ZNF738: variants seen among roughly 807,000 people sequenced by gnomAD.
ZNF738 encodes the protein protein ZNF738.
ZNF738 carries 10 observed loss-of-function variants against 9.2 expected under a neutral mutation model. That is an observed-to-expected ratio of 1.09 (90% CI 0.67 to 1.85). The LOEUF (loss-of-function observed/expected upper bound fraction) is 1.85, where lower values mean the gene tolerates loss of function less well. ZNF738 is among the 40% of genes most tolerant of loss of function. The pLI, the probability that ZNF738 is intolerant of heterozygous loss-of-function variation, is 0.00. For synonymous variants in ZNF738, 113 were observed against 94.5 expected, an observed-to-expected ratio of 1.20 and a Z score of -1.14; for missense variants, 346 against 283.6, an observed-to-expected ratio of 1.22 and a Z score of -1.58.
Position 21,375,917 on chromosome 19 carries a change from A to G in ZNF738, c.272A>G (p.Lys91Arg). The change falls in exon 4 of 5, where the codon AAA becomes AGA. Residue 91 changes from lysine (K) to arginine (R), a missense_variant. Transcript: ENST00000683779. ...CTGATCACCTGTCTGGAGCAAGGAA[A>G]AGATCCCTGGAATATGAAGAGACAC... Reference protein sequence around the residue: ...PDLITCLEQGKDPWNMKRHSM... With the variant: ...PDLITCLEQGRDPWNMKRHSM... 1.3e-6 allele frequency: 1 copy of G among 798,578 alleles called. No homozygotes were observed. Among genetic ancestry groups the G allele is most frequent in the Non-Finnish European group, 2.3e-6 (1 of 436,326 alleles). The allele number at this position is 798,578 out of a possible 1,614,324, so 49.5% of individuals were successfully genotyped here. A position where few individuals can be genotyped will look rare whatever the true frequency, so the allele number is the denominator to read the frequency against.
intron 4 of ZNF738, chr19:21,378,881 G>A (rs1424678458): frequency 6.5e-6 from 1 of 154,750 alleles, no homozygotes; most frequent in African/African-American, 2.4e-5. Flanking sequence ...TTACAAGCTT[G>A]AGCTACCGCG....
rs1171665061 is a variant in ZNF738 at position 21,383,301 on chromosome 19, G to C, written c.755G>C (p.Arg252Thr). 2.6e-6 allele frequency: 4 copies of C among 1,524,026 alleles called. No homozygotes were observed. Among genetic ancestry groups the C allele is most frequent in the Middle Eastern group, 1.7e-4 (1 of 5,752 alleles). 94.4% of individuals were successfully genotyped at this position (1,524,026 alleles called of 1,614,324 possible). A position where few individuals can be genotyped will look rare whatever the true frequency, so the allele number is the denominator to read the frequency against. Residue 252 changes from arginine (R) to threonine (T), a missense_variant, in exon 5 of 5, where the codon AGA becomes ACA. Coordinates refer to ENST00000683779, the MANE Select transcript of ZNF738 (RefSeq NM_001355237.2). Reference protein sequence around the residue: ...KWFSTLTRHKRIHTGDKSYKH... With the variant: ...KWFSTLTRHKTIHTGDKSYKH... ...TTCTCAACCCTTACTAGACACAAGA[G>C]AATTCATACTGGAGACAAATCCTAC...
rs1199882411 is a variant in ZNF738, at chr19:21,386,076, T to TA, written c.*2403dup. Among the ~76,000 whole-genome samples, 1 of 152,202 alleles carries TA rather than the reference T, an allele frequency of 6.6e-6. No homozygotes were observed. On this transcript the variant is annotated 3_prime_UTR_variant, in exon 5 of 5. Coordinates refer to ENST00000683779, the MANE Select transcript of ZNF738 (RefSeq NM_001355237.2). ...TCATACCTTATTAAACATAAAATCT[T>TA]ACAGGAGAGAAATTATACAAATGTG...
chr19:21,359,477 C>CG (rs1275494991), intron 1 of ZNF738, among the ~76,000 whole-genome samples: 1 of 152,122 alleles, frequency 6.6e-6, no homozygotes, highest in Non-Finnish European at 1.5e-5. Context: ...ACTTGGGGTG[C>CG]GGGTTCATGA....
chr19:21,378,087 T>C, intron 4 of ZNF738: 1 of 397,564 alleles, frequency 2.5e-6, no homozygotes, highest in East Asian at 3.6e-5. Context: ...TAGTTAAAAA[T>C]GAACTTTTGT....
At chr19:21,370,582 G>A (rs1352363358) in intron 2 of ZNF738, among the ~76,000 whole-genome samples, 1 of 152,070 alleles carries the variant, frequency 6.6e-6, no homozygotes, top group Non-Finnish European at 1.5e-5. Context: ...GGTATATTCA[G>A]GGATTCAATT....
intron 4 of ZNF738, among the ~76,000 whole-genome samples, chr19:21,380,383 C>T (rs866611304): frequency 2.6e-5 from 4 of 152,172 alleles, no homozygotes; most frequent in Admixed American, 2.6e-4. Flanking sequence ...GCATGTGTCA[C>T]CTACAAGGAA....
Position 21,382,991 on chromosome 19 carries a change from A to G in ZNF738, c.445A>G (p.Lys149Glu). Reference sequence around the variant, plus strand: ...AGATTTACAGTTAAGAAAAGGCTGTAAAAGTGTGAATGAGTGTAATGTGCA... The same window carrying G: ...AGATTTACAGTTAAGAAAAGGCTGTGAAAGTGTGAATGAGTGTAATGTGCA... ...HKDLQLRKGC[K>E]SVNECNVQKE... The change falls in exon 5 of 5, where the codon AAA (lysine) becomes GAA (glutamate). Residue 149 changes from lysine to glutamate, a missense_variant. Transcript: ENST00000683779. 1 of 703,518 alleles carries G rather than the reference A, an allele frequency of 1.4e-6. No homozygotes were observed. The highest frequency in any genetic ancestry group is 2.6e-5 in the East Asian group (1 of 38,044). The allele number at this position is 703,518 out of a possible 1,614,324, so 43.6% of individuals were successfully genotyped here. A position where few individuals can be genotyped will look rare whatever the true frequency, so the allele number is the denominator to read the frequency against.
At chr19:21,363,593 A>C (rs1253373931) in intron 2 of ZNF738, among the ~76,000 whole-genome samples, 1 of 152,178 alleles carries the variant, frequency 6.6e-6, no homozygotes, top group Admixed American at 6.5e-5. Flanking sequence ...TCTGTTAAAA[A>C]ATTTGAATTC....
chr19:21,373,847 A>G (rs140207570), intron 2 of ZNF738, among the ~76,000 whole-genome samples: 103 of 150,880 alleles, frequency 6.8e-4, no homozygotes, highest in African/African-American at 2.3e-3. Flanking sequence ...CTGGAGTGCG[A>G]TGCATTTAGT....
chr19:21,378,173 A>G (rs1973958215), intron 4 of ZNF738: 1 of 373,156 alleles, frequency 2.7e-6, no homozygotes, highest in Non-Finnish European at 4.7e-6. Flanking sequence ...TTTTATATGT[A>G]TATTTATTAA....
rs117042330 is a variant in ZNF738 at position 21,365,274 on chromosome 19, C to G, written c.96+3416C>G. ...CTGCAAGCTGTTTTGCCAGCCAGGT[C>G]TTTATGACCTGTATCCTGTGCTGAC... is the stretch of plus-strand genomic sequence containing the variant. On this transcript the variant is annotated intron_variant, in intron 2 of 4. Coordinates refer to ENST00000683779, the MANE Select transcript of ZNF738 (RefSeq NM_001355237.2). 1.4e-4 allele frequency among the ~76,000 whole-genome samples: 22 copies of G among 152,124 alleles called. No individual in the cohort carries two copies. In the East Asian group the frequency reaches 3.1e-3, roughly 21 times the overall value.
intron 4 of ZNF738, 23 bp from the exon 5 acceptor site, chr19:21,382,843 C>T (rs1051799321): frequency 1.8e-5 from 7 of 389,108 alleles, no homozygotes; most frequent in African/African-American, 6.2e-5. Context: ...AGTGGAGTAA[C>T]TTGATATTTT....
At position 21,387,741 on chromosome 19, in the gene ZNF738, G is replaced by T. The variant is rs575814002; in HGVS notation, c.*4067G>T. Among the ~76,000 whole-genome samples the T allele has an allele frequency of 1.8e-4, 28 of 152,162 alleles. No homozygotes were observed. The highest frequency in any genetic ancestry group is 3.5e-4 in the Non-Finnish European group (24 of 68,030). On this transcript the variant is annotated 3_prime_UTR_variant, in exon 5 of 5. Transcript: ENST00000683779. ...GAAAAATATAACCCTTTAAAGTGAA[G>T]AAGAGAATTTATATTGAAGATGGAC...
In ZNF738 at chr19:21,386,086, A is replaced by G. The variant is rs73547786; in HGVS notation, c.*2412A>G. 0.027 allele frequency among the ~76,000 whole-genome samples: 4,038 copies of G among 152,320 alleles called. 166 individuals carry two copies. Among genetic ancestry groups the G allele is most frequent in the African/African-American group, 0.091 (3,793 of 41,548 alleles). On this transcript the variant is annotated 3_prime_UTR_variant, in exon 5 of 5. Coordinates refer to ENST00000683779, the MANE Select transcript of ZNF738 (RefSeq NM_001355237.2). ...TTAAACATAAAATCTTACAGGAGAG[A>G]AATTATACAAATGTGAAGAATGTGG...
intron 1 of ZNF738, 34 bp downstream of exon 1, chr19:21,359,177 G>A (rs1340635630): frequency 1.9e-6 from 2 of 1,040,598 alleles, no homozygotes; most frequent in South Asian, 2.5e-5. Context: ...CCGAGAGAGG[G>A]GAAGGGCTGG....
chr19:21,383,467 G>A lies in ZNF738; in HGVS notation c.921G>A (p.Lys307=). ...AGTCCTCACACCTTACTAAACATAAGACAATTCATGCTGGAGAGAAACCCT... is the reference window on the plus strand; with the variant it reads ...AGTCCTCACACCTTACTAAACATAAAACAATTCATGCTGGAGAGAAACCCT... ...FKQSSHLTKH[K]TIHAGEKPYK... Residue 307 remains lysine, a synonymous_variant, in exon 5 of 5, where the codon AAG becomes AAA. Coordinates refer to ENST00000683779, the MANE Select transcript of ZNF738 (RefSeq NM_001355237.2). The A allele has an allele frequency of 3.5e-6, 2 of 564,020 alleles. No homozygotes were observed. Among genetic ancestry groups the A allele is most frequent in the Non-Finnish European group, 6.3e-6 (2 of 315,936 alleles). The allele number at this position is 564,020 out of a possible 1,614,324, so 34.9% of individuals were successfully genotyped here.
chr19:21,374,082 G>A lies in ZNF738; in HGVS notation c.97-1156G>A, dbSNP rs141571798. Reference sequence around the variant, plus strand: ...AGTGTTTCCCTTGTTGCTGTTGAACGTGGAAAGATGTGGATACTCAAGATT... The same window carrying A: ...AGTGTTTCCCTTGTTGCTGTTGAACATGGAAAGATGTGGATACTCAAGATT... On this transcript the variant is annotated intron_variant, in intron 2 of 4. Coordinates refer to ENST00000683779, the MANE Select transcript of ZNF738 (RefSeq NM_001355237.2). Among the ~76,000 whole-genome samples the A allele has an allele frequency of 8.3e-4, 126 of 151,916 alleles. 1 individual carries two copies. In the East Asian group the frequency reaches 0.023, roughly 28 times the overall value.
Position 21,383,607 on chromosome 19 carries a change from A to T in ZNF738, c.1061A>T (p.Asn354Ile), listed in dbSNP as rs576179617. Residue 354 changes from asparagine (N) to isoleucine (I), a missense_variant, in exon 5 of 5, where the codon AAT becomes ATT. By Grantham distance (149) the Asn-to-Ile change is moderately radical. Transcript: ENST00000683779. ...TGTGAGGAATGTGGCAAAGCTTTTA[A>T]TTGGTACTCACACCTTACCAGACAT... The part of the protein sequence containing the change: ...YKCEECGKAF[N>I]WYSHLTRHKI... 4.7e-5 allele frequency: 46 copies of T among 982,352 alleles called. No individual in the cohort carries two copies. The East Asian group carries it at 1.0e-3, about 22-fold the overall frequency. 60.9% of individuals were successfully genotyped at this position (982,352 alleles called of 1,614,324 possible).
Sources: gnomAD v4.1 joint callset for allele counts (sites outside exome capture counted in the v4.1 genomes callset) on GRCh38, gnomAD v4.1.1 for gene constraint, MANE v1.5 for transcripts, NCBI Gene and HGNC (gene_info 2026-07-23, HGNC 2026-07-21) for gene names.